SORCS3: variants seen among roughly 807,000 people sequenced by gnomAD.
The protein encoded by SORCS3 is sortilin related VPS10 domain containing receptor 3.
In SORCS3, 57 loss-of-function variants were observed where a neutral mutation model predicts 146.3. That is an observed-to-expected ratio of 0.39 (90% CI 0.31 to 0.49). The LOEUF is 0.49. Ranked by LOEUF, SORCS3 falls within the 20% of genes least tolerant of loss-of-function variation. The pLI, the probability that SORCS3 is intolerant of heterozygous loss-of-function variation, is 0.92. For missense variants in SORCS3, 1,341 were observed against 1,575.5 expected (o/e 0.85, Z 2.52); for synonymous variants, 653 against 618.5 (o/e 1.06, Z -0.83).
chr10:104,689,430 C>T (rs1027326833), intron 1 of SORCS3, among the ~76,000 whole-genome samples: 4 of 152,196 alleles, frequency 2.6e-5, no homozygotes, highest in African/African-American at 7.2e-5. Flanking sequence ...GTGTCTGTCT[C>T]TTCATGTAGA....
chr10:104,661,317 C>A (rs1307152419), intron 1 of SORCS3, among the ~76,000 whole-genome samples: 1 of 152,134 alleles, frequency 6.6e-6, no homozygotes, highest in East Asian at 1.9e-4. Flanking sequence ...TTTTTCATCT[C>A]CCCCTTGACA....
chr10:104,961,836 G>A (rs2054797815), intron 3 of SORCS3, among the ~76,000 whole-genome samples: 1 of 152,050 alleles, frequency 6.6e-6, no homozygotes, highest in Non-Finnish European at 1.5e-5. Flanking sequence ...AGAAACCTTT[G>A]AGTGACCTTC....
intron 1 of SORCS3, among the ~76,000 whole-genome samples, chr10:104,687,933 A>G (rs1366379653): frequency 1.3e-5 from 2 of 152,258 alleles, no homozygotes; most frequent in Admixed American, 1.3e-4. Context: ...TGCCTGGCAC[A>G]TAACAGCCCA....
At chr10:105,005,991 C>G (rs1442183182) in intron 4 of SORCS3, among the ~76,000 whole-genome samples, 1 of 152,204 alleles carries the variant, frequency 6.6e-6, no homozygotes, top group East Asian at 1.9e-4. Flanking sequence ...GTCGCCCAGG[C>G]TTGAGTGCAG....
intron 3 of SORCS3, among the ~76,000 whole-genome samples, chr10:104,974,075 T>C (rs1194627722): frequency 6.6e-6 from 1 of 152,188 alleles, no homozygotes; most frequent in Non-Finnish European, 1.5e-5. Flanking sequence ...TTGTTATAAT[T>C]TCTGTTCTTT....
intron 2 of SORCS3, among the ~76,000 whole-genome samples, chr10:104,850,380 C>T (rs911902995): frequency 1.3e-5 from 2 of 152,100 alleles, no homozygotes; most frequent in South Asian, 2.1e-4. Flanking sequence ...CTCATGAGTT[C>T]GAGACCAGCC....
intron 2 of SORCS3, among the ~76,000 whole-genome samples, chr10:104,911,672 G>A (rs1427340781): frequency 6.6e-6 from 1 of 152,174 alleles, no homozygotes; most frequent in Non-Finnish European, 1.5e-5. Context: ...AGGGACCTTA[G>A]GATTATGTAA....
At chr10:105,112,064 T>G (rs1405256759) in intron 7 of SORCS3, among the ~76,000 whole-genome samples, 1 of 152,228 alleles carries the variant, frequency 6.6e-6, no homozygotes, top group Non-Finnish European at 1.5e-5. Context: ...CCCCTCTTTA[T>G]AGTTGCTAGA....
At chr10:104,936,863 A>T (rs1210098141) in intron 3 of SORCS3, among the ~76,000 whole-genome samples, 1 of 152,214 alleles carries the variant, frequency 6.6e-6, no homozygotes, top group African/African-American at 2.4e-5. Context: ...TGTCCAAGGA[A>T]ACATAATCTA....
chr10:104,734,772 G>A (rs973404342), intron 1 of SORCS3, among the ~76,000 whole-genome samples: 1 of 152,174 alleles, frequency 6.6e-6, no homozygotes, highest in African/African-American at 2.4e-5. Context: ...CAGGCTTTGG[G>A]TGGAGCTAGC....
At chr10:104,799,560 G>A (rs940240674) in intron 1 of SORCS3, among the ~76,000 whole-genome samples, 22 of 152,132 alleles carry the variant, frequency 1.4e-4, no homozygotes, top group African/African-American at 5.3e-4. Flanking sequence ...GGGGGGCTAG[G>A]GGAGGGATAA....
intron 1 of SORCS3, among the ~76,000 whole-genome samples, chr10:104,715,446 T>C (rs1202842554): frequency 6.6e-6 from 1 of 152,204 alleles, no homozygotes; most frequent in African/African-American, 2.4e-5. Context: ...TGGACTGAAT[T>C]ACCTATTGGC....
intron 1 of SORCS3, among the ~76,000 whole-genome samples, chr10:104,729,661 C>T (rs186796079): frequency 4.9e-4 from 74 of 152,254 alleles, no homozygotes; most frequent in East Asian, 7.7e-4. Context: ...GGAGGTTTGG[C>T]GTATCCATAT....
intron 3 of SORCS3, among the ~76,000 whole-genome samples, chr10:104,919,788 T>C (rs1589549553): frequency 6.6e-6 from 1 of 152,214 alleles, no homozygotes; most frequent in Non-Finnish European, 1.5e-5. Context: ...CATTTTCATT[T>C]TACTAAGTGG....
intron 1 of SORCS3, among the ~76,000 whole-genome samples, chr10:104,835,016 A>T (rs1024025562): frequency 6.6e-6 from 1 of 152,040 alleles, no homozygotes; most frequent in African/African-American, 2.4e-5. Flanking sequence ...TCAGTCACTG[A>T]CAAGTTGGTG....
intron 14 of SORCS3, among the ~76,000 whole-genome samples, chr10:105,190,098 C>A (rs1037348751): frequency 2.6e-5 from 4 of 152,198 alleles, no homozygotes; most frequent in Admixed American, 6.5e-5. Flanking sequence ...TTGCCCATAC[C>A]TCAGTGCCAA....
chr10:105,120,049 G>A (rs1307955935), intron 7 of SORCS3, among the ~76,000 whole-genome samples: 3 of 152,166 alleles, frequency 2.0e-5, no homozygotes, highest in Non-Finnish European at 4.4e-5. Flanking sequence ...TTGAATTATA[G>A]TTTCCATAAT....
At chr10:104,806,433 G>A (rs191266279) in intron 1 of SORCS3, among the ~76,000 whole-genome samples, 3 of 152,294 alleles carry the variant, frequency 2.0e-5, no homozygotes, top group Non-Finnish European at 2.9e-5. Context: ...GAGTAATCAT[G>A]GTAGTGGCAT....
At chr10:105,191,491 C>T (rs1166868907) in intron 14 of SORCS3, among the ~76,000 whole-genome samples, 1 of 152,074 alleles carries the variant, frequency 6.6e-6, no homozygotes, top group South Asian at 2.1e-4. Flanking sequence ...CGTAGGAAAA[C>T]ATTTTGATAA....
Sources: gnomAD v4.1 joint callset for allele counts (sites outside exome capture counted in the v4.1 genomes callset) on GRCh38, gnomAD v4.1.1 for gene constraint, MANE v1.5 for transcripts, NCBI Gene and HGNC (gene_info 2026-07-23, HGNC 2026-07-21) for gene names.